The following XYLT1 variants were observed in gnomAD, a reference collection of about 807,000 sequenced individuals.
The protein encoded by XYLT1 is xylosyltransferase 1, also known as beta-D-xylosyltransferase 1.
Under a neutral mutation model 91.3 loss-of-function variants are expected in XYLT1, and 36 were observed. The observed-to-expected ratio is 0.39, with a 90% CI of 0.30 to 0.52. The LOEUF is 0.52. Ranked by LOEUF, XYLT1 falls within the 20% of genes least tolerant of loss-of-function variation. The probability of loss-of-function intolerance (pLI) is 0.68; values close to 1 mark genes in which losing one functional copy is unlikely to be tolerated. For synonymous variants in XYLT1, 588 were observed against 532.0 expected (o/e 1.11, Z -1.45); for missense variants, 1,242 against 1,284.5 (o/e 0.97, Z 0.51).
chr16:17,126,015 A>C (rs2030248946), intron 10 of XYLT1, among the ~76,000 whole-genome samples: 1 of 152,328 alleles, frequency 6.6e-6, no homozygotes, highest in Admixed American at 6.5e-5. Flanking sequence ...GCTAACACCA[A>C]GGAGATCCTA....
chr16:17,232,768 A>G (rs1385080001), intron 3 of XYLT1, among the ~76,000 whole-genome samples: 1 of 151,836 alleles, frequency 6.6e-6, no homozygotes, highest in Non-Finnish European at 1.5e-5. Context: ...AGTGATGAAG[A>G]TGGTGATGAT....
intron 1 of XYLT1, among the ~76,000 whole-genome samples, chr16:17,453,968 T>G (rs1468167583): frequency 6.6e-6 from 1 of 152,210 alleles, no homozygotes; most frequent in Non-Finnish European, 1.5e-5. Flanking sequence ...GGAAGAACAA[T>G]GGACAATTAA....
At chr16:17,385,850 T>C (rs750662624) in intron 1 of XYLT1, among the ~76,000 whole-genome samples, 2 of 152,130 alleles carry the variant, frequency 1.3e-5, no homozygotes, top group Non-Finnish European at 2.9e-5. Flanking sequence ...AATTAAGATT[T>C]CTAGGAATGA....
chr16:17,316,292 C>T (rs1457736302), intron 2 of XYLT1, among the ~76,000 whole-genome samples: 8 of 152,192 alleles, frequency 5.3e-5, no homozygotes, highest in East Asian at 1.9e-4. Flanking sequence ...TACAGAGTTT[C>T]GCCCAACAGT....
At position 17,200,556 on chromosome 16, in the gene XYLT1, C is replaced by G. The variant is rs2032520754; in HGVS notation, c.1012G>C (p.Ala338Pro). ...AACATGCGCTGCAACTGCCGAGAGGCACGGCCGTGGACCACCAGGACAAAG... is the reference window on the plus strand; with the variant it reads ...AACATGCGCTGCAACTGCCGAGAGGGACGGCCGTGGACCACCAGGACAAAG... ...IAFVLVVHGR[A>P]SRQLQRMFKA... The change falls in exon 4 of 12, where the codon GCC (alanine) becomes CCC (proline). Residue 338 changes from alanine to proline, a missense_variant. By Grantham distance (27) the Ala-to-Pro change is conservative. Transcript: ENST00000261381. 1.2e-6 allele frequency: 2 copies of G among 1,614,192 alleles called. No individual in the cohort carries two copies. The highest frequency in any genetic ancestry group is 1.3e-5 in the African/African-American group (1 of 75,052).
At chr16:17,278,112 C>G (rs1044647144) in intron 2 of XYLT1, among the ~76,000 whole-genome samples, 1 of 152,148 alleles carries the variant, frequency 6.6e-6, no homozygotes, top group Non-Finnish European at 1.5e-5. Context: ...GGAGAAGTTC[C>G]TTATTCAAGG....
chr16:17,382,855 C>T (rs755003396), intron 1 of XYLT1, among the ~76,000 whole-genome samples: 4 of 151,878 alleles, frequency 2.6e-5, no homozygotes, highest in Non-Finnish European at 5.9e-5. Flanking sequence ...GAGTAACTCC[C>T]ATCCCCATTA....
At chr16:17,246,142 C>T (rs2033432276) in intron 3 of XYLT1, among the ~76,000 whole-genome samples, 2 of 152,214 alleles carry the variant, frequency 1.3e-5, no homozygotes, top group Non-Finnish European at 2.9e-5. Context: ...CCTGGCTCTG[C>T]TACTGGTGAA....
intron 9 of XYLT1, among the ~76,000 whole-genome samples, chr16:17,131,757 A>T (rs2030487166): frequency 6.6e-6 from 1 of 152,228 alleles, no homozygotes. Flanking sequence ...GGAAAGGCAC[A>T]ATTTGCCTAA....
At chr16:17,137,642 C>T (rs1406203401) in intron 8 of XYLT1, 1 of 150,966 alleles carries the variant, frequency 6.6e-6, no homozygotes, top group East Asian at 1.9e-4. Flanking sequence ...CCCCACCCTC[C>T]TGCTCTGCCC....
Position 17,127,607 on chromosome 16 carries a change from A to G in XYLT1, c.2223+59T>C, listed in dbSNP as rs142249623. 110 of 1,552,450 alleles carry G rather than the reference A, an allele frequency of 7.1e-5. 1 individual carries two copies. In the African/African-American group the frequency reaches 1.3e-3, roughly 18 times the overall value. On this transcript the variant is annotated intron_variant, in intron 10 of 11. Coordinates refer to ENST00000261381, the MANE Select transcript of XYLT1 (RefSeq NM_022166.4). ...AACTAGAAGTGTCAGATAGTGGAGTAGAATCTGGCCGAGGGAAATGCAAAA... is the reference window on the plus strand; with the variant it reads ...AACTAGAAGTGTCAGATAGTGGAGTGGAATCTGGCCGAGGGAAATGCAAAA...
chr16:17,400,629 GAGGAAGGAAGGAAGGA>G (rs139881259), intron 1 of XYLT1, among the ~76,000 whole-genome samples: 22,832 of 132,530 alleles, frequency 0.17, 2,005 homozygotes, highest in Non-Finnish European at 0.19. Flanking sequence ...GGGAGGAAGG[GAGGAAGGAAGGAAGGA>G]AGGAAGGAAG....
intron 5 of XYLT1, among the ~76,000 whole-genome samples, chr16:17,192,301 A>T (rs1430235713): frequency 6.6e-6 from 1 of 151,778 alleles, no homozygotes. Flanking sequence ...GTTTTACCAT[A>T]TCGGCCAGGC....
At chr16:17,192,490 G>A (rs1044605193) in intron 5 of XYLT1, among the ~76,000 whole-genome samples, 10 of 152,182 alleles carry the variant, frequency 6.6e-5, no homozygotes, top group African/African-American at 2.4e-4. Context: ...AGTAGGCCAG[G>A]TATAATTCCT....
intron 2 of XYLT1, among the ~76,000 whole-genome samples, chr16:17,268,667 C>CTT (rs56389780): frequency 3.1e-4 from 43 of 138,028 alleles, no homozygotes; most frequent in East Asian, 8.3e-4. Flanking sequence ...GTGATAAATA[C>CTT]TTTTTTTTTT....
chr16:17,408,709 G>C (rs1312097301), intron 1 of XYLT1, among the ~76,000 whole-genome samples: 1 of 152,222 alleles, frequency 6.6e-6, no homozygotes, highest in Non-Finnish European at 1.5e-5. Context: ...AGCTGGGCGT[G>C]CTGGCACAGG....
chr16:17,393,963 G>A (rs895578197), intron 1 of XYLT1, among the ~76,000 whole-genome samples: 1 of 151,984 alleles, frequency 6.6e-6, no homozygotes, highest in Admixed American at 6.6e-5. Flanking sequence ...TTTTAGTAGA[G>A]ACGGAGTTTC....
intron 3 of XYLT1, among the ~76,000 whole-genome samples, chr16:17,230,708 T>C (rs990127349): frequency 3.3e-5 from 5 of 152,182 alleles, no homozygotes; most frequent in African/African-American, 1.2e-4. Context: ...TTCCCTTGGC[T>C]CCGTGATAGC....
chr16:17,191,166 G>A (rs761058671), intron 5 of XYLT1, among the ~76,000 whole-genome samples: 3 of 152,218 alleles, frequency 2.0e-5, no homozygotes, highest in Non-Finnish European at 2.9e-5. Context: ...AAACTGAGGA[G>A]CCATAACTGT....
Sources: gnomAD v4.1 joint callset for allele counts (sites outside exome capture counted in the v4.1 genomes callset) on GRCh38, gnomAD v4.1.1 for gene constraint, MANE v1.5 for transcripts, NCBI Gene and HGNC (gene_info 2026-07-23, HGNC 2026-07-21) for gene names.